The following AKT3 variants were observed in gnomAD, a reference collection of about 807,000 sequenced individuals.
AKT3 encodes RAC-gamma serine/threonine-protein kinase.
A neutral mutation model predicts 65.3 loss-of-function variants in AKT3; 15 were observed. The ratio of observed to expected loss-of-function variants is 0.23; its 90% CI spans 0.15 to 0.35. The LOEUF is 0.35. AKT3 is among the 10% of genes least tolerant of loss of function. The pLI is 1.00. For missense variants in AKT3, 243 were observed against 576.5 expected, an observed-to-expected ratio of 0.42 and a Z score of 5.92; for synonymous variants, 206 against 183.8, an observed-to-expected ratio of 1.12 and a Z score of -0.98.
At chr1:243,580,909 C>T (rs938868708) in intron 8 of AKT3, among the ~76,000 whole-genome samples, 1 of 152,168 alleles carries the variant, frequency 6.6e-6, no homozygotes, top group African/African-American at 2.4e-5. Context: ...GCTCCATACC[C>T]AGGAAGATCC....
At chr1:243,586,279 T>G (rs550502393) in intron 8 of AKT3, among the ~76,000 whole-genome samples, 1 of 152,184 alleles carries the variant, frequency 6.6e-6, no homozygotes, top group Non-Finnish European at 1.5e-5. Context: ...AAGGGGATGC[T>G]TGTAACACTG....
chr1:243,710,114 T>C (rs1018940779), intron 2 of AKT3, among the ~76,000 whole-genome samples: 25 of 152,172 alleles, frequency 1.6e-4, no homozygotes, highest in Admixed American at 1.6e-3. Flanking sequence ...TTGCTATTCA[T>C]GCAGTATTTT....
intron 2 of AKT3, among the ~76,000 whole-genome samples, chr1:243,769,833 C>CT (rs1272760094): frequency 6.6e-6 from 1 of 152,130 alleles, no homozygotes; most frequent in Admixed American, 6.5e-5. Context: ...ATGAAGTATA[C>CT]TTTCTTTTTC....
chr1:243,711,411 C>A (rs1169089102), intron 2 of AKT3, among the ~76,000 whole-genome samples: 2 of 152,064 alleles, frequency 1.3e-5, no homozygotes, highest in African/African-American at 4.8e-5. Context: ...TACTTTTATC[C>A]AACTGTTTTC....
chr1:243,535,174 A>AATAT (rs1179391272), intron 12 of AKT3, among the ~76,000 whole-genome samples: 2 of 123,928 alleles, frequency 1.6e-5, no homozygotes, highest in African/African-American at 7.8e-5. Context: ...ATATATTTAA[A>AATAT]ATTTTAAAAT....
intron 2 of AKT3, among the ~76,000 whole-genome samples, chr1:243,703,487 G>A (rs982719946): frequency 5.9e-5 from 9 of 152,062 alleles, no homozygotes; most frequent in East Asian, 3.9e-4. Flanking sequence ...TGGGCCAGGC[G>A]TGGTTGCTCA....
chr1:243,546,195 C>T (rs1367699779), intron 11 of AKT3, among the ~76,000 whole-genome samples: 1 of 152,178 alleles, frequency 6.6e-6, no homozygotes, highest in Non-Finnish European at 1.5e-5. Context: ...TGCCTCTGCT[C>T]CTCCTTCACC....
At chr1:243,637,357 C>G (rs1163984422) in intron 6 of AKT3, among the ~76,000 whole-genome samples, 1 of 151,976 alleles carries the variant, frequency 6.6e-6, no homozygotes, top group Non-Finnish European at 1.5e-5. Flanking sequence ...AAAACATTCT[C>G]CCAAACATGC....
intron 3 of AKT3, among the ~76,000 whole-genome samples, chr1:243,675,204 G>A (rs1381114092): frequency 6.6e-6 from 1 of 152,064 alleles, no homozygotes; most frequent in African/African-American, 2.4e-5. Context: ...CAGATTCAAA[G>A]TCACTTTTTT....
At chr1:243,582,997 A>T (rs1675486833) in intron 8 of AKT3, among the ~76,000 whole-genome samples, 1 of 150,346 alleles carries the variant, frequency 6.7e-6, no homozygotes, top group South Asian at 2.1e-4. Context: ...AACTAACAGC[A>T]GTTAAAAAAA....
At chr1:243,664,912 A>C (rs1682660422) in intron 3 of AKT3, 29 bp from the exon 4 acceptor site, 1 of 1,281,746 alleles carries the variant, frequency 7.8e-7, no homozygotes, top group Non-Finnish European at 1.1e-6. Flanking sequence ...GTTTCTTTAA[A>C]TATGGATATA....
chr1:243,709,879 C>G (rs1488037067), intron 2 of AKT3, among the ~76,000 whole-genome samples: 1 of 151,902 alleles, frequency 6.6e-6, no homozygotes, highest in South Asian at 2.1e-4. Flanking sequence ...ACTTGCTTGG[C>G]CAAAAAAATA....
In AKT3 at chr1:243,545,603, A is replaced by G. The variant is rs1435677328; in HGVS notation, c.1164-6T>C. ...CATCTGGTCCTCCACCAAGGCTATG[A>G]GAACAGAAATAAAATTAAGTAAGTA... is the stretch of plus-strand genomic sequence containing the variant. On this transcript the variant is annotated splice_polypyrimidine_tract_variant and splice_region_variant and intron_variant, in intron 11 of 13. Transcript: ENST00000673466. 1 of 1,598,110 alleles carries G rather than the reference A, an allele frequency of 6.3e-7. No homozygotes were observed. The highest frequency in any genetic ancestry group is 8.6e-7 in the Non-Finnish European group (1 of 1,166,992).
At chr1:243,601,400 C>T (rs957485581) in intron 8 of AKT3, among the ~76,000 whole-genome samples, 1 of 152,092 alleles carries the variant, frequency 6.6e-6, no homozygotes. Flanking sequence ...TACCACTATA[C>T]ATCCACCAGA....
intron 8 of AKT3, among the ~76,000 whole-genome samples, chr1:243,607,300 G>C (rs554745175): frequency 7.1e-4 from 108 of 152,326 alleles, no homozygotes; most frequent in African/African-American, 2.3e-3. Flanking sequence ...CTGGGAGGAG[G>C]GATGTACCCT....
At chr1:243,731,042 A>G (rs1687529575) in intron 2 of AKT3, among the ~76,000 whole-genome samples, 1 of 152,218 alleles carries the variant, frequency 6.6e-6, no homozygotes, top group Admixed American at 6.5e-5. Context: ...GAGTGGGTGG[A>G]ACGAGCACAG....
chr1:243,805,772 C>G (rs1194752135), intron 2 of AKT3, among the ~76,000 whole-genome samples: 2 of 152,156 alleles, frequency 1.3e-5, no homozygotes, highest in South Asian at 2.1e-4. Flanking sequence ...TCCTTTTCCT[C>G]TCATTCCCTG....
chr1:243,806,653 G>A (rs959185777), intron 2 of AKT3, among the ~76,000 whole-genome samples: 64 of 151,998 alleles, frequency 4.2e-4, no homozygotes, highest in African/African-American at 1.5e-3. Flanking sequence ...CCTTAGTAGG[G>A]TCTCAATAAA....
chr1:243,842,835 G>C (rs1010296067), intron 2 of AKT3, among the ~76,000 whole-genome samples: 1 of 152,060 alleles, frequency 6.6e-6, no homozygotes, highest in Non-Finnish European at 1.5e-5. Flanking sequence ...CCAGATTACA[G>C]AACCTGTAGA....
Sources: allele counts gnomAD v4.1 joint callset (sites outside exome capture counted in the v4.1 genomes callset), GRCh38; gene constraint gnomAD v4.1.1; transcripts MANE v1.5; gene names NCBI Gene and HGNC (gene_info 2026-07-23, HGNC 2026-07-21).